Variants in DLGAP2 observed in about 807,000 individuals in gnomAD.
DLGAP2 encodes the protein disks large-associated protein 2.
Under a neutral mutation model 100.3 loss-of-function variants are expected in DLGAP2, and 26 were observed. The ratio of observed to expected loss-of-function variants is 0.26; its 90% CI spans 0.19 to 0.36. The LOEUF (loss-of-function observed/expected upper bound fraction) is 0.36. Among genes scored for constraint, DLGAP2 ranks in the 10% least tolerant of loss-of-function variants. The pLI, the probability that DLGAP2 is intolerant of heterozygous loss-of-function variation, is 1.00. For synonymous variants in DLGAP2, 886 were observed against 630.1 expected, an observed-to-expected ratio of 1.41 and a Z score of -6.08; for missense variants, 1,858 against 1,453.2, an observed-to-expected ratio of 1.28 and a Z score of -4.53.
intron 3 of DLGAP2, among the ~76,000 whole-genome samples, chr8:1,274,296 C>A (rs140194460): frequency 6.6e-5 from 10 of 152,238 alleles, no homozygotes; most frequent in Admixed American, 2.6e-4. Flanking sequence ...ACGCATGACA[C>A]AACCACACTT....
At chr8:871,000 C>T (rs1214757449) in intron 1 of DLGAP2, among the ~76,000 whole-genome samples, 2 of 152,214 alleles carry the variant, frequency 1.3e-5, no homozygotes, top group Admixed American at 1.3e-4. Flanking sequence ...TTTCCTTCCC[C>T]TGGTTCTTCA....
At chr8:918,455 G>C (rs1487710970) in intron 2 of DLGAP2, among the ~76,000 whole-genome samples, 2 of 152,304 alleles carry the variant, frequency 1.3e-5, no homozygotes, top group East Asian at 1.9e-4. Context: ...TGATTGTGTA[G>C]ACTGGGTACA....
intron 3 of DLGAP2, among the ~76,000 whole-genome samples, chr8:1,385,636 T>G (rs1243680234): frequency 1.5e-5 from 1 of 67,708 alleles, no homozygotes; most frequent in African/African-American, 5.3e-5. Flanking sequence ...CCTATGCCCA[T>G]CCCCTGAGAA....
chr8:970,512 G>A (rs7010454), intron 2 of DLGAP2, among the ~76,000 whole-genome samples: 3,102 of 152,202 alleles, frequency 0.02, 109 homozygotes, highest in African/African-American at 0.069. Context: ...CATTTCTTCT[G>A]TAATAGGAAT....
At chr8:926,813 G>C (rs1320628574) in intron 2 of DLGAP2, among the ~76,000 whole-genome samples, 1 of 152,270 alleles carries the variant, frequency 6.6e-6, no homozygotes, top group Non-Finnish European at 1.5e-5. Context: ...ACACAGCGGA[G>C]CTGCCCTCCT....
chr8:1,061,767 G>A (rs960993221), intron 2 of DLGAP2, among the ~76,000 whole-genome samples: 10 of 152,046 alleles, frequency 6.6e-5, no homozygotes, highest in African/African-American at 2.4e-4. Flanking sequence ...CTTTCTCGGA[G>A]GTTGCACTGA....
intron 8 of DLGAP2, 63 bp downstream of exon 8, chr8:1,633,109 A>G: frequency 2.6e-6 from 4 of 1,534,422 alleles, no homozygotes; most frequent in Admixed American, 3.4e-5. Context: ...TCTTCATCCT[A>G]GAAGGAGCGA....
chr8:1,565,876 C>T lies in DLGAP2; in HGVS notation c.1424C>T (p.Pro475Leu), dbSNP rs770888838. ...CTGCTGAAGTCCATCGGACAGAGAC[C>T]GCTTGGAGAGCACCAGACGTAAGTG... ...EPLLKSIGQR[P>L]LGEHQTQTYL... Residue 475 changes from proline (P) to leucine (L), a missense_variant, in exon 6 of 15, where the codon CCG becomes CTG. Coordinates refer to ENST00000637795, the MANE Select transcript of DLGAP2 (RefSeq NM_001346810.2). The T allele has an allele frequency of 8.7e-6, 14 of 1,607,896 alleles. No homozygotes were observed. Among genetic ancestry groups the T allele is most frequent in the Admixed American group, 6.8e-5 (4 of 59,244 alleles).
At chr8:1,224,577 G>T (rs1798377943) in intron 2 of DLGAP2, among the ~76,000 whole-genome samples, 1 of 152,070 alleles carries the variant, frequency 6.6e-6, no homozygotes, top group Non-Finnish European at 1.5e-5. Flanking sequence ...TTTATTATTT[G>T]AAAAACTCAA....
At chr8:936,322 A>G (rs1343332303) in intron 2 of DLGAP2, among the ~76,000 whole-genome samples, 3 of 152,180 alleles carry the variant, frequency 2.0e-5, no homozygotes, top group African/African-American at 7.2e-5. Context: ...TACATTGGAA[A>G]AAGCAAAGTG....
intron 1 of DLGAP2, chr8:892,960 C>T (rs374665891): frequency 6.6e-6 from 1 of 151,774 alleles, no homozygotes; most frequent in South Asian, 2.1e-4. Flanking sequence ...CATCCTGCCT[C>T]TGGGATTGGT....
intron 8 of DLGAP2, among the ~76,000 whole-genome samples, chr8:1,646,415 A>G (rs539716847): frequency 8.6e-5 from 13 of 151,992 alleles, no homozygotes; most frequent in South Asian, 6.3e-4. Flanking sequence ...ATCTCTCTCT[A>G]TATGTGTTCA....
At chr8:1,139,593 G>A (rs1165721713) in intron 2 of DLGAP2, among the ~76,000 whole-genome samples, 1 of 152,172 alleles carries the variant, frequency 6.6e-6, no homozygotes, top group Non-Finnish European at 1.5e-5. Flanking sequence ...GAATCTTGAG[G>A]GTACAAACAT....
intron 2 of DLGAP2, among the ~76,000 whole-genome samples, chr8:1,079,873 C>T (rs971440950): frequency 2.6e-5 from 4 of 152,198 alleles, no homozygotes; most frequent in African/African-American, 9.6e-5. Context: ...TTTGATTGGA[C>T]GTGGCAGGCA....
intron 3 of DLGAP2, among the ~76,000 whole-genome samples, chr8:1,467,736 T>G (rs994793432): frequency 6.6e-6 from 1 of 152,124 alleles, no homozygotes; most frequent in Non-Finnish European, 1.5e-5. Flanking sequence ...CATAGCTCAC[T>G]GCTGCCAGTA....
intron 2 of DLGAP2, among the ~76,000 whole-genome samples, chr8:996,350 A>T (rs1223757168): frequency 6.6e-6 from 1 of 152,152 alleles, no homozygotes; most frequent in Admixed American, 6.5e-5. Flanking sequence ...CCCCAGTGTC[A>T]CCATGGGAAC....
chr8:1,473,705 G>T lies in DLGAP2; in HGVS notation c.107-27661G>T, dbSNP rs1368928651. ...AGCTCCCATAATCTCCACTGTTGTG[G>T]GAGGGACCCAGTGGGAGATCACTGA... On this transcript the variant is annotated intron_variant, in intron 3 of 14. Transcript: ENST00000637795. Among the ~76,000 whole-genome samples, 4 of 152,118 alleles carry T rather than the reference G, an allele frequency of 2.6e-5. No individual in the cohort carries two copies. The East Asian group carries it at 7.7e-4, about 29-fold the overall frequency.
intron 6 of DLGAP2, among the ~76,000 whole-genome samples, chr8:1,584,871 G>A (rs116012030): frequency 2.0e-5 from 3 of 152,030 alleles, no homozygotes. Flanking sequence ...TGTTTCTCTA[G>A]TAAATTCTTC....
At chr8:1,459,467 A>C (rs1798412207) in intron 3 of DLGAP2, among the ~76,000 whole-genome samples, 1 of 152,224 alleles carries the variant, frequency 6.6e-6, no homozygotes, top group Non-Finnish European at 1.5e-5. Flanking sequence ...AATGCTTGAA[A>C]GATGTTCTAT....
Sources: gnomAD v4.1 joint callset for allele counts (sites outside exome capture counted in the v4.1 genomes callset) on GRCh38, gnomAD v4.1.1 for gene constraint, MANE v1.5 for transcripts, NCBI Gene and HGNC (gene_info 2026-07-23, HGNC 2026-07-21) for gene names.